The following BCL2L1 variants were observed in gnomAD, a reference collection of about 807,000 sequenced individuals.
The protein encoded by BCL2L1 is BCL2 like 1.
In BCL2L1, 1 loss-of-function variant was observed where a neutral mutation model predicts 18.7. The observed-to-expected ratio is 0.05, with a 90% CI of 0.02 to 0.25. The LOEUF is 0.25. BCL2L1 is among the 10% of genes least tolerant of loss of function. The pLI is 1.00. For missense variants in BCL2L1, 207 were observed against 304.9 expected (o/e 0.68, Z 2.39); for synonymous variants, 103 against 122.7 (o/e 0.84, Z 1.06).
chr20:31,693,075 A>ACAAAAAC (rs200654280), intron 2 of BCL2L1, among the ~76,000 whole-genome samples: 5 of 150,814 alleles, frequency 3.3e-5, no homozygotes, highest in African/African-American at 9.8e-5. Flanking sequence ...TCTCAAAAAA[A>ACAAAAAC]AAAAACAAAA....
intron 2 of BCL2L1, among the ~76,000 whole-genome samples, chr20:31,677,038 A>G (rs1013021695): frequency 6.6e-6 from 1 of 152,156 alleles, no homozygotes; most frequent in African/African-American, 2.4e-5. Context: ...CTATCTGGAT[A>G]AAGGCAATTA....
intron 2 of BCL2L1, among the ~76,000 whole-genome samples, chr20:31,678,417 T>C (rs934022017): frequency 1.3e-5 from 2 of 152,094 alleles, no homozygotes; most frequent in African/African-American, 4.8e-5. Flanking sequence ...AACTGTCAAA[T>C]GAAGTGGGAA....
At chr20:31,709,506 C>T (rs1332698334) in intron 2 of BCL2L1, among the ~76,000 whole-genome samples, 32 of 151,924 alleles carry the variant, frequency 2.1e-4, no homozygotes, top group Non-Finnish European at 3.5e-4. Flanking sequence ...GGATTACAGG[C>T]GCCCGCCACC....
chr20:31,714,923 C>A (rs1045340678), intron 2 of BCL2L1, among the ~76,000 whole-genome samples: 1 of 152,182 alleles, frequency 6.6e-6, no homozygotes, highest in Non-Finnish European at 1.5e-5. Context: ...AGCCACTATT[C>A]TTTTTCACCT....
chr20:31,685,598 C>CT (rs1329475639), intron 2 of BCL2L1, among the ~76,000 whole-genome samples: 2 of 152,150 alleles, frequency 1.3e-5, no homozygotes, highest in East Asian at 3.8e-4. Flanking sequence ...TGTGGTGGCT[C>CT]TATTTGGCTA....
intron 2 of BCL2L1, among the ~76,000 whole-genome samples, chr20:31,678,250 C>T (rs960392735): frequency 6.6e-6 from 1 of 152,156 alleles, no homozygotes; most frequent in Admixed American, 6.6e-5. Context: ...GCTATGGCGA[C>T]TCCCTTGTCT....
rs775050908 is a variant in BCL2L1 at position 31,721,616 on chromosome 20, G to A, written c.564+39C>T. 7.1e-6 allele frequency: 11 copies of A among 1,545,638 alleles called. No individual in the cohort carries two copies. The African/African-American group carries it at 1.5e-4, about 21-fold the overall frequency. On this transcript the variant is annotated intron_variant, in intron 2 of 2. Transcript: ENST00000307677. ...GGGCTGTTGGGGATCTCTGACCAGA[G>A]GCCAAAGAAAAGGGACACACAAGGG...
intron 2 of BCL2L1, among the ~76,000 whole-genome samples, chr20:31,672,903 C>T (rs1234277449): frequency 2.0e-5 from 3 of 151,866 alleles, no homozygotes; most frequent in Non-Finnish European, 4.4e-5. Context: ...TGGAGTCTCA[C>T]TACATTGCCC....
chr20:31,685,389 G>A (rs1168696495), intron 2 of BCL2L1, among the ~76,000 whole-genome samples: 1 of 137,044 alleles, frequency 7.3e-6, no homozygotes, highest in Non-Finnish European at 1.5e-5. Flanking sequence ...GACAGAGCAA[G>A]ACTCCATCTC....
At chr20:31,683,769 CAAAAAAAAAAAAA>C (rs372160646) in intron 2 of BCL2L1, among the ~76,000 whole-genome samples, 1 of 80,710 alleles carries the variant, frequency 1.2e-5, no homozygotes, top group Admixed American at 1.7e-4. Flanking sequence ...AACTCCATCT[CAAAAAAAAAAAAA>C]AAAAAAAAAA....
At chr20:31,712,296 T>C (rs1003408463) in intron 2 of BCL2L1, among the ~76,000 whole-genome samples, 4 of 152,020 alleles carry the variant, frequency 2.6e-5, no homozygotes, top group African/African-American at 4.8e-5. Flanking sequence ...GCTTTGCCTC[T>C]TACTAACTGT....
chr20:31,679,409 G>C (rs992004974), intron 2 of BCL2L1, among the ~76,000 whole-genome samples: 1 of 152,114 alleles, frequency 6.6e-6, no homozygotes, highest in Non-Finnish European at 1.5e-5. Flanking sequence ...TACCTCCAAG[G>C]CTTCATACAG....
chr20:31,714,574 C>T (rs2061499110), intron 2 of BCL2L1, among the ~76,000 whole-genome samples: 1 of 152,158 alleles, frequency 6.6e-6, no homozygotes, highest in Non-Finnish European at 1.5e-5. Flanking sequence ...GTGTCTTTAC[C>T]ATCGCCCCCT....
chr20:31,680,353 G>A (rs142485086), intron 2 of BCL2L1, among the ~76,000 whole-genome samples: 4 of 152,270 alleles, frequency 2.6e-5, no homozygotes, highest in African/African-American at 7.2e-5. Context: ...AGTCAGAGAT[G>A]ACTTTAAGTA....
chr20:31,684,136 T>G (rs893900971), intron 2 of BCL2L1, among the ~76,000 whole-genome samples: 2 of 152,038 alleles, frequency 1.3e-5, no homozygotes, highest in African/African-American at 4.8e-5. Flanking sequence ...CCCCCCAACA[T>G]GCCTTGGAAC....
At chr20:31,719,402 C>T (rs1416287999) in intron 2 of BCL2L1, among the ~76,000 whole-genome samples, 1 of 152,154 alleles carries the variant, frequency 6.6e-6, no homozygotes, top group African/African-American at 2.4e-5. Flanking sequence ...ACCACAGTAG[C>T]CAGTCGGTGC....
At chr20:31,670,826 C>T (rs760167523) in intron 2 of BCL2L1, among the ~76,000 whole-genome samples, 2 of 152,100 alleles carry the variant, frequency 1.3e-5, no homozygotes, top group Admixed American at 6.6e-5. Context: ...ATGGTTCACA[C>T]GACACACTTG....
At chr20:31,703,289 C>T (rs747805760) in intron 2 of BCL2L1, among the ~76,000 whole-genome samples, 4 of 152,038 alleles carry the variant, frequency 2.6e-5, no homozygotes, top group Admixed American at 6.6e-5. Flanking sequence ...GGTGATCACC[C>T]GCCTTGGTGT....
At chr20:31,691,884 A>C (rs889712303) in intron 2 of BCL2L1, among the ~76,000 whole-genome samples, 4 of 152,244 alleles carry the variant, frequency 2.6e-5, no homozygotes, top group African/African-American at 9.6e-5. Context: ...ATAAAAATTT[A>C]AGTCTGACCA....
Sources: gnomAD v4.1 joint callset for allele counts (sites outside exome capture counted in the v4.1 genomes callset) on GRCh38, gnomAD v4.1.1 for gene constraint, MANE v1.5 for transcripts, NCBI Gene and HGNC (gene_info 2026-07-23, HGNC 2026-07-21) for gene names.